Variants in ERC1 observed in about 807,000 individuals in gnomAD.
The protein encoded by ERC1 is RAB6 interacting protein 2.
ERC1 carries 56 observed loss-of-function variants against 132.0 expected under a neutral mutation model. The ratio of observed to expected loss-of-function variants is 0.42; its 90% CI spans 0.34 to 0.53. The LOEUF (loss-of-function observed/expected upper bound fraction) is 0.53, where lower values mean the gene tolerates loss of function less well. Ranked by LOEUF, ERC1 falls within the 20% of genes least tolerant of loss-of-function variation. The pLI is 0.03. For missense variants in ERC1, 1,202 were observed against 1,349.9 expected (o/e 0.89, Z 1.72); for synonymous variants, 478 against 476.1 (o/e 1.00, Z -0.05).
intron 16 of ERC1, among the ~76,000 whole-genome samples, chr12:1,382,072 C>A (rs1279708271): frequency 4.6e-5 from 7 of 152,066 alleles, no homozygotes; most frequent in Non-Finnish European, 8.8e-5. Flanking sequence ...TCTTGTTTTC[C>A]TGTTTGTATG....
chr12:1,412,497 A>G (rs1286355510), intron 17 of ERC1, among the ~76,000 whole-genome samples: 1 of 152,156 alleles, frequency 6.6e-6, no homozygotes, highest in East Asian at 1.9e-4. Context: ...GCCTATGTTC[A>G]GATTCTACCA....
At chr12:1,429,539 T>A (rs966743039) in intron 17 of ERC1, among the ~76,000 whole-genome samples, 1 of 152,240 alleles carries the variant, frequency 6.6e-6, no homozygotes, top group Non-Finnish European at 1.5e-5. Context: ...GAAATAAGAT[T>A]AATTCAAAAA....
At chr12:1,467,215 G>A (rs2093760673) in intron 18 of ERC1, among the ~76,000 whole-genome samples, 1 of 152,224 alleles carries the variant, frequency 6.6e-6, no homozygotes, top group Admixed American at 6.5e-5. Context: ...AGTGTGATGG[G>A]ATATTGGATA....
chr12:1,059,304 T>C (rs1406435533), intron 2 of ERC1, among the ~76,000 whole-genome samples: 2 of 152,234 alleles, frequency 1.3e-5, no homozygotes, highest in African/African-American at 4.8e-5. Flanking sequence ...CTGCCTCTTT[T>C]GCAATCTGGA....
At chr12:1,318,906 A>T (rs976447984) in intron 15 of ERC1, among the ~76,000 whole-genome samples, 2 of 152,178 alleles carry the variant, frequency 1.3e-5, no homozygotes, top group Non-Finnish European at 2.9e-5. Context: ...TGGGTGCAGC[A>T]GCTCCAAGCA....
At chr12:1,154,387 T>C (rs1048556174) in intron 8 of ERC1, among the ~76,000 whole-genome samples, 8 of 146,976 alleles carry the variant, frequency 5.4e-5, no homozygotes, top group Admixed American at 5.4e-4. Context: ...ACACACTTTC[T>C]GTCTCTTGCC....
chr12:1,488,093 G>A (rs183617049), intron 18 of ERC1, among the ~76,000 whole-genome samples: 3 of 149,346 alleles, frequency 2.0e-5, no homozygotes, highest in Admixed American at 6.7e-5. Flanking sequence ...AGCTGAGATC[G>A]CGCCACTGCA....
At chr12:1,077,958 G>C (rs576654077) in intron 2 of ERC1, among the ~76,000 whole-genome samples, 13 of 152,248 alleles carry the variant, frequency 8.5e-5, no homozygotes, top group African/African-American at 3.1e-4. Flanking sequence ...AGACTTCTAG[G>C]CTACCAAGTC....
intron 1 of ERC1, among the ~76,000 whole-genome samples, chr12:1,015,319 A>T (rs1965344662): frequency 6.6e-6 from 1 of 152,000 alleles, no homozygotes; most frequent in Non-Finnish European, 1.5e-5. Flanking sequence ...TCAGCCTTTT[A>T]AAGTGCTGGG....
intron 14 of ERC1, among the ~76,000 whole-genome samples, chr12:1,286,653 C>T (rs2079062252): frequency 1.3e-5 from 2 of 151,996 alleles, no homozygotes; most frequent in Admixed American, 1.3e-4. Context: ...AAGAAAACTA[C>T]CATATTTGTC....
intron 2 of ERC1, among the ~76,000 whole-genome samples, chr12:1,044,034 T>C (rs1482755852): frequency 6.6e-6 from 1 of 152,198 alleles, no homozygotes; most frequent in East Asian, 1.9e-4. Flanking sequence ...CATTTCAGGA[T>C]AGTGAAGGGC....
intron 1 of ERC1, among the ~76,000 whole-genome samples, chr12:1,015,757 G>A (rs776651140): frequency 6.6e-6 from 1 of 152,160 alleles, no homozygotes; most frequent in Non-Finnish European, 1.5e-5. Context: ...AAAATGAACA[G>A]GATCTTTAAA....
intron 15 of ERC1, among the ~76,000 whole-genome samples, chr12:1,331,358 G>T (rs956572543): frequency 3.3e-5 from 5 of 152,100 alleles, no homozygotes; most frequent in Non-Finnish European, 4.4e-5. Flanking sequence ...ATCCCATAAG[G>T]TATCATATTG....
chr12:1,409,726 T>C (rs565526801), intron 17 of ERC1, among the ~76,000 whole-genome samples: 2 of 152,280 alleles, frequency 1.3e-5, no homozygotes, highest in Middle Eastern at 6.8e-3. Context: ...GTTTTGTTTT[T>C]GAGATGGAGT....
At chr12:1,184,148 A>G (rs996473801) in intron 11 of ERC1, among the ~76,000 whole-genome samples, 15 of 123,326 alleles carry the variant, frequency 1.2e-4, no homozygotes, top group African/African-American at 3.8e-4. Context: ...AAAAAAAAAA[A>G]AAAAGAAAAA....
chr12:1,070,423 G>T (rs531568187), intron 2 of ERC1, among the ~76,000 whole-genome samples: 21 of 151,896 alleles, frequency 1.4e-4, no homozygotes, highest in Non-Finnish European at 2.5e-4. Flanking sequence ...GAGTATCTGG[G>T]ACTATAGATG....
rs1202879480 is a variant in ERC1, at chr12:1,202,980, C to A, written c.2351+12928C>A. On this transcript the variant is annotated intron_variant, in intron 12 of 18. Transcript: ENST00000360905. ...TTTACACAGCGTTATAGATGCTAAA[C>A]GTTCATGGAGTTTTATAGACTCCTA... Among the ~76,000 whole-genome samples, 3 of 152,194 alleles carry A rather than the reference C, an allele frequency of 2.0e-5. No individual in the cohort carries two copies. In the South Asian group the frequency reaches 6.2e-4, roughly 31 times the overall value.
At chr12:1,163,903 A>G (rs1048166623) in intron 8 of ERC1, among the ~76,000 whole-genome samples, 11 of 152,004 alleles carry the variant, frequency 7.2e-5, no homozygotes, top group African/African-American at 2.2e-4. Context: ...TTTAGTAGAG[A>G]CGGGGTTTTG....
chr12:1,412,825 T>C (rs1254137290), intron 17 of ERC1, among the ~76,000 whole-genome samples: 1 of 152,210 alleles, frequency 6.6e-6, no homozygotes, highest in Non-Finnish European at 1.5e-5. Context: ...ATGCCTTTGT[T>C]ATGCTGTTGC....
Sources: gnomAD v4.1 joint callset for allele counts (sites outside exome capture counted in the v4.1 genomes callset) on GRCh38, gnomAD v4.1.1 for gene constraint, MANE v1.5 for transcripts, NCBI Gene and HGNC (gene_info 2026-07-23, HGNC 2026-07-21) for gene names.